The following KDM4C variants were observed in gnomAD, a reference collection of about 807,000 sequenced individuals.
KDM4C encodes lysine demethylase 4C.
KDM4C carries 81 observed loss-of-function variants against 129.3 expected under a neutral mutation model. The observed-to-expected ratio is 0.63, with a 90% CI of 0.52 to 0.75. KDM4C has a LOEUF of 0.75. Among genes scored for constraint, KDM4C ranks in the 30% least tolerant of loss-of-function variants. The pLI, the probability that KDM4C is intolerant of heterozygous loss-of-function variation, is 0.00. For synonymous variants in KDM4C, 573 were observed against 456.1 expected (o/e 1.26, Z -3.26); for missense variants, 1,457 against 1,304.0 (o/e 1.12, Z -1.81).
chr9:7,139,834 C>T (rs1564168105), intron 19 of KDM4C, among the ~76,000 whole-genome samples: 1 of 152,148 alleles, frequency 6.6e-6, no homozygotes. Flanking sequence ...TCAATTCTTG[C>T]TGCCTCAGAA....
chr9:7,083,711 ATGTGTGTGTGTG>A (rs142609948), intron 17 of KDM4C, among the ~76,000 whole-genome samples: 45 of 143,318 alleles, frequency 3.1e-4, no homozygotes, highest in African/African-American at 7.4e-4. Flanking sequence ...CACATGACTG[ATGTGTGTGTGTG>A]TGTGTGTGTG....
chr9:7,162,235 A>C (rs1292403141), intron 19 of KDM4C, among the ~76,000 whole-genome samples: 2 of 152,212 alleles, frequency 1.3e-5, no homozygotes, highest in African/African-American at 4.8e-5. Context: ...AGTAAAGAAA[A>C]AGAGTTCTGA....
intron 5 of KDM4C, among the ~76,000 whole-genome samples, chr9:6,874,673 A>G (rs970316408): frequency 2.0e-5 from 3 of 152,152 alleles, no homozygotes; most frequent in Admixed American, 6.5e-5. Flanking sequence ...AGTCTGCCCA[A>G]TCTATCTTGA....
chr9:6,905,992 C>T (rs925986856), intron 8 of KDM4C, among the ~76,000 whole-genome samples: 2 of 152,088 alleles, frequency 1.3e-5, no homozygotes, highest in Non-Finnish European at 2.9e-5. Flanking sequence ...TGTGGAGAAT[C>T]TGGAGCCCAG....
chr9:7,013,777 A>T lies in KDM4C; in HGVS notation c.1969-11A>T, dbSNP rs185748655. 513 of 1,612,822 alleles carry T rather than the reference A, an allele frequency of 3.2e-4. 2 individuals are homozygous for T. In the African/African-American group the frequency reaches 6.2e-3, roughly 20 times the overall value. Reference sequence around the variant, plus strand: ...TGTTTTTCACTCATGTGGAAACGTTATGTTTTTCAGCCAGATAGCAGCAAT... The same window carrying T: ...TGTTTTTCACTCATGTGGAAACGTTTTGTTTTTCAGCCAGATAGCAGCAAT... On this transcript the variant is annotated splice_polypyrimidine_tract_variant and intron_variant, in intron 13 of 21. Coordinates refer to ENST00000381309, the MANE Select transcript of KDM4C (RefSeq NM_015061.6).
intron 5 of KDM4C, among the ~76,000 whole-genome samples, chr9:6,876,924 C>T (rs1443270942): frequency 3.3e-5 from 5 of 152,122 alleles, no homozygotes; most frequent in African/African-American, 4.8e-5. Flanking sequence ...ATCTATCATC[C>T]GACATCAGGG....
chr9:7,010,379 G>C (rs1368171330), intron 12 of KDM4C, among the ~76,000 whole-genome samples: 1 of 152,154 alleles, frequency 6.6e-6, no homozygotes, highest in African/African-American at 2.4e-5. Flanking sequence ...GTTGGCATTT[G>C]ACATATTTTG....
At chr9:6,787,446 T>G (rs184626397) in intron 1 of KDM4C, among the ~76,000 whole-genome samples, 129 of 152,362 alleles carry the variant, frequency 8.5e-4, no homozygotes, top group African/African-American at 3.0e-3. Context: ...TTGGCCAGGC[T>G]GGTCTCAAAT....
intron 8 of KDM4C, among the ~76,000 whole-genome samples, chr9:6,937,408 C>T (rs953448974): frequency 6.6e-6 from 1 of 152,140 alleles, no homozygotes; most frequent in Non-Finnish European, 1.5e-5. Flanking sequence ...GAAGGTGTTT[C>T]TCTTGCAGAG....
chr9:7,070,449 C>T (rs1019476299), intron 17 of KDM4C, among the ~76,000 whole-genome samples: 1 of 152,114 alleles, frequency 6.6e-6, no homozygotes, highest in Admixed American at 6.5e-5. Flanking sequence ...GACCCATATT[C>T]ATCATGAATA....
intron 12 of KDM4C, among the ~76,000 whole-genome samples, chr9:6,991,318 A>G (rs1200574340): frequency 6.6e-6 from 1 of 152,114 alleles, no homozygotes; most frequent in Non-Finnish European, 1.5e-5. Context: ...TCCTGAGCTC[A>G]AGCATTTCTC....
At chr9:6,764,077 T>G (rs563446330) in intron 1 of KDM4C, among the ~76,000 whole-genome samples, 149 of 152,208 alleles carry the variant, frequency 9.8e-4, no homozygotes, top group African/African-American at 3.3e-3. Flanking sequence ...CTTTTAACAG[T>G]TTTTGTTTTG....
At chr9:7,108,761 G>C (rs1045552906) in intron 18 of KDM4C, among the ~76,000 whole-genome samples, 2 of 152,166 alleles carry the variant, frequency 1.3e-5, no homozygotes, top group Non-Finnish European at 2.9e-5. Flanking sequence ...TAACAACAGT[G>C]AAACATTCTA....
chr9:6,894,715 G>A (rs1228857319), intron 8 of KDM4C, among the ~76,000 whole-genome samples: 1 of 152,156 alleles, frequency 6.6e-6, no homozygotes, highest in African/African-American at 2.4e-5. Flanking sequence ...AAGTAGAGTG[G>A]GTGTGGAGTG....
chr9:6,915,704 A>C lies in KDM4C; in HGVS notation c.921+22472A>C, dbSNP rs563946416. 1.2e-4 allele frequency among the ~76,000 whole-genome samples: 18 copies of C among 152,228 alleles called. 1 individual carries two copies. The highest frequency in any genetic ancestry group is 4.1e-4 in the African/African-American group (17 of 41,550). On this transcript the variant is annotated intron_variant, in intron 8 of 21. Transcript: ENST00000381309. ...ACAATTTGTATATTCCTTGGACCTT[A>C]TTGGAGCCTTAGTCTTGGTGGCTAT...
chr9:7,031,335 A>G (rs1359841376), intron 15 of KDM4C, among the ~76,000 whole-genome samples: 5 of 151,356 alleles, frequency 3.3e-5, no homozygotes, highest in Non-Finnish European at 7.4e-5. Context: ...GGTTTTTTGT[A>G]TTTTTAGTAG....
chr9:7,013,976 A>C lies in KDM4C; in HGVS notation c.2157A>C (p.Ala719=), dbSNP rs755502911. 3.1e-6 allele frequency: 5 copies of C among 1,613,726 alleles called. No individual in the cohort carries two copies. The highest frequency in any genetic ancestry group is 4.2e-6 in the Non-Finnish European group (5 of 1,179,818). The part of the protein sequence containing the change: ...EDGTSLLISC[A]KCCVRVHASC... ...GAACAAGTCTCCTTATTTCCTGTGC[A>C]AAGTGCTGCGTACGGGTTCATGCAA... Residue 719 remains alanine, a synonymous_variant, in exon 14 of 22, where the codon GCA becomes GCC. Coordinates refer to ENST00000381309, the MANE Select transcript of KDM4C (RefSeq NM_015061.6).
At chr9:6,789,743 G>T (rs545447290) in intron 1 of KDM4C, among the ~76,000 whole-genome samples, 231 of 152,014 alleles carry the variant, frequency 1.5e-3, no homozygotes, top group African/African-American at 5.4e-3. Flanking sequence ...TGAATTTGGG[G>T]GTATGTACCT....
intron 3 of KDM4C, among the ~76,000 whole-genome samples, chr9:6,809,567 G>A (rs1444574478): frequency 1.3e-5 from 2 of 152,206 alleles, no homozygotes; most frequent in Admixed American, 6.5e-5. Flanking sequence ...GTGCTATGAG[G>A]TTTCAAAGGA....
Sources: gnomAD v4.1 joint callset for allele counts (sites outside exome capture counted in the v4.1 genomes callset) on GRCh38, gnomAD v4.1.1 for gene constraint, MANE v1.5 for transcripts, NCBI Gene and HGNC (gene_info 2026-07-23, HGNC 2026-07-21) for gene names.